FIBCD1: variants seen among roughly 807,000 people sequenced by gnomAD.
The protein encoded by FIBCD1 is fibrinogen C domain containing 1.
A neutral mutation model predicts 45.1 loss-of-function variants in FIBCD1; 47 were observed. The observed-to-expected ratio is 1.04, with a 90% confidence interval of 0.82 to 1.33. The LOEUF is 1.33. Ranked by LOEUF, FIBCD1 falls within the 40% of genes most tolerant of loss-of-function variation. The pLI is 0.00. For synonymous variants in FIBCD1, 313 were observed against 308.1 expected (o/e 1.02, Z -0.17); for missense variants, 653 against 682.2 (o/e 0.96, Z 0.48).
chr9:130,912,644 T>C (rs1259547256), intron 4 of FIBCD1, among the ~76,000 whole-genome samples: 1 of 151,254 alleles, frequency 6.6e-6, no homozygotes, highest in African/African-American at 2.4e-5. Context: ...GAGGCGCAGG[T>C]TGCAGTGAGC....
In FIBCD1 at chr9:130,923,755, C is replaced by A. The variant is rs751019454; in HGVS notation, c.838G>T (p.Gly280Cys). 3.5e-5 allele frequency: 56 copies of A among 1,612,124 alleles called. No homozygotes were observed. Among genetic ancestry groups the A allele is most frequent in the Non-Finnish European group, 4.7e-5 (55 of 1,179,874 alleles). ...QVYCDMRTDG[G>C]GWTVFQRRED... The stretch of plus-strand genomic sequence containing the variant: ...CCTGGGACACTCACCGTCCAGCCGC[C>A]GCCGTCCGTGCGCATGTCACAGTAC... The change falls in exon 4 of 7, where the codon GGC (glycine) becomes TGC (cysteine). Residue 280 changes from glycine (G) to cysteine (C), a missense_variant. Physicochemically the swap from Gly to Cys is radical, Grantham distance 159 (BLOSUM62 -3). Coordinates refer to ENST00000372338, the MANE Select transcript of FIBCD1 (RefSeq NM_032843.5).
intron 4 of FIBCD1, 62 bp downstream of exon 4, chr9:130,923,682 A>G: frequency 6.3e-7 from 1 of 1,586,432 alleles, no homozygotes; most frequent in Non-Finnish European, 8.5e-7. Context: ...GCCCGGGTTC[A>G]GGTACACAGC....
chr9:130,913,446 C>T (rs1354596370), intron 4 of FIBCD1, among the ~76,000 whole-genome samples: 1 of 152,352 alleles, frequency 6.6e-6, no homozygotes, highest in African/African-American at 2.4e-5. Context: ...AGGCGTCTGC[C>T]GCGTGAGCGT....
chr9:130,911,919 G>T, intron 4 of FIBCD1, 31 bp from the exon 5 acceptor site: 7 of 1,543,440 alleles, frequency 4.5e-6, no homozygotes, highest in Non-Finnish European at 5.3e-6. Context: ...TGGGGCGTTG[G>T]CACCGACCAT....
intron 5 of FIBCD1, among the ~76,000 whole-genome samples, chr9:130,910,053 T>C (rs1444868199): frequency 6.6e-6 from 1 of 152,214 alleles, no homozygotes; most frequent in Non-Finnish European, 1.5e-5. Context: ...ACCGCTGCGC[T>C]GTGGGAGCCC....
chr9:130,918,937 C>G (rs761378968), intron 4 of FIBCD1, among the ~76,000 whole-genome samples: 10 of 152,244 alleles, frequency 6.6e-5, no homozygotes, highest in Non-Finnish European at 1.3e-4. Context: ...GTAGGCCTAA[C>G]CAACATCACC....
intron 5 of FIBCD1, 59 bp downstream of exon 5, chr9:130,911,733 G>A: frequency 1.4e-6 from 2 of 1,481,008 alleles, no homozygotes; most frequent in Non-Finnish European, 1.8e-6. Context: ...GGACCCAACT[G>A]TGTCCGGAAG....
intron 4 of FIBCD1, among the ~76,000 whole-genome samples, chr9:130,915,499 T>TC (rs1805266828): frequency 6.6e-6 from 1 of 152,236 alleles, no homozygotes; most frequent in African/African-American, 2.4e-5. Context: ...GGTCAGGAGT[T>TC]CGAGACCAGC....
chr9:130,940,394 G>C (rs1193511195), upstream of FIBCD1, among the ~76,000 whole-genome samples: 1 of 152,270 alleles, frequency 6.6e-6, no homozygotes, highest in African/African-American at 2.4e-5. Flanking sequence ...GAGGCTGCCC[G>C]GGAGTTGGAG....
At chr9:130,938,435 G>T in intron 1 of FIBCD1, 101 bp downstream of exon 1, 1 of 1,011,040 alleles carries the variant, frequency 9.9e-7, no homozygotes, top group Non-Finnish European at 1.3e-6. Flanking sequence ...GAAGGGGTGC[G>T]CCCCAAACTC....
intron 5 of FIBCD1, among the ~76,000 whole-genome samples, chr9:130,911,456 G>A (rs1291029517): frequency 6.6e-6 from 1 of 152,170 alleles, no homozygotes; most frequent in East Asian, 1.9e-4. Context: ...CTGCTGCCTG[G>A]GATGCTGCTG....
At chr9:130,928,289 G>T (rs968370674) in intron 2 of FIBCD1, among the ~76,000 whole-genome samples, 1 of 152,200 alleles carries the variant, frequency 6.6e-6, no homozygotes, top group African/African-American at 2.4e-5. Context: ...GGACTCTGGG[G>T]TCCCTCCTTC....
chr9:130,937,639 T>C lies in FIBCD1; in HGVS notation c.72+897A>G, dbSNP rs143708686. Among the ~76,000 whole-genome samples the C allele has an allele frequency of 2.6e-4, 39 of 152,308 alleles. 1 individual carries two copies. In the East Asian group the frequency reaches 6.0e-3, roughly 23 times the overall value. On this transcript the variant is annotated intron_variant, in intron 1 of 6. Coordinates refer to ENST00000372338, the MANE Select transcript of FIBCD1 (RefSeq NM_032843.5). ...TCTGGAAGAAATTTAAAATTTAAAA[T>C]GGGCAGCCCTATTCTCTCCTCTCCT...
chr9:130,916,304 CA>C (rs1294053566), intron 4 of FIBCD1, among the ~76,000 whole-genome samples: 1 of 152,246 alleles, frequency 6.6e-6, no homozygotes, highest in Non-Finnish European at 1.5e-5. Context: ...CAAACCCATT[CA>C]GTTGATTTTG....
rs1005410391 is a variant in FIBCD1, at chr9:130,929,933, C to G, written c.186G>C (p.Thr62=). ...CAGTGCTGACGACAGGTGGGGGCGC[C>G]GTGCCCGGCGCGTGGGCGTGGTTCA... is the stretch of plus-strand genomic sequence containing the variant. ...LFLNHAHAPG[T]APPPVVSTGA... Residue 62 remains threonine (T), a synonymous_variant, in exon 2 of 7, where the codon ACG becomes ACC. Coordinates refer to ENST00000372338, the MANE Select transcript of FIBCD1 (RefSeq NM_032843.5). 6.5e-7 allele frequency: 1 copy of G among 1,548,896 alleles called. No individual in the cohort carries two copies. Among genetic ancestry groups the G allele is most frequent in the Non-Finnish European group, 8.7e-7 (1 of 1,146,264 alleles).
At chr9:130,920,091 A>G (rs1832234625) in intron 4 of FIBCD1, among the ~76,000 whole-genome samples, 1 of 151,436 alleles carries the variant, frequency 6.6e-6, no homozygotes, top group Admixed American at 6.6e-5. Flanking sequence ...GGCAGGCAAG[A>G]GGGCCGCCCC....
Position 130,918,915 on chromosome 9 carries a change from G to A in FIBCD1, c.849+4829C>T, listed in dbSNP as rs953017366. ...GAGGCAATCAAGTCAATGCGTAAAC[G>A]GACGGCGCACAGTAGGCCTAACCAA... is the stretch of plus-strand genomic sequence containing the variant. On this transcript the variant is annotated intron_variant, in intron 4 of 6. Coordinates refer to ENST00000372338, the MANE Select transcript of FIBCD1 (RefSeq NM_032843.5). 3.3e-5 allele frequency among the ~76,000 whole-genome samples: 5 copies of A among 152,204 alleles called. 1 individual carries two copies. The highest frequency in any genetic ancestry group is 4.1e-4 in the South Asian group (2 of 4,832).
At chr9:130,930,733 C>G (rs1195963940) in intron 1 of FIBCD1, 1 of 455,546 alleles carries the variant, frequency 2.2e-6, no homozygotes, top group Non-Finnish European at 4.4e-6. Context: ...GGCCTCTAAG[C>G]TGCATTTCCC....
rs974525199 is a variant in FIBCD1 at position 130,929,866 on chromosome 9, C to T, written c.253G>A (p.Ala85Thr). Residue 85 changes from alanine to threonine, a missense_variant, in exon 2 of 7, where the codon GCG (alanine) becomes ACG (threonine). Transcript: ENST00000372338. The stretch of plus-strand genomic sequence containing the variant: ...AGGATGCTGAGGTGCGAGCTGTCCG[C>T]CCTTTCCACAGTGACCAGGGCGCTG... ...ANSALVTVER[A>T]DSSHLSILID... is the part of the protein sequence containing the mutation. 1.3e-5 allele frequency: 20 copies of T among 1,549,622 alleles called. No individual in the cohort carries two copies. Among genetic ancestry groups the T allele is most frequent in the Non-Finnish European group, 1.7e-5 (19 of 1,146,670 alleles).
Sources: gnomAD v4.1 joint callset for allele counts (sites outside exome capture counted in the v4.1 genomes callset) on GRCh38, gnomAD v4.1.1 for gene constraint, MANE v1.5 for transcripts, NCBI Gene and HGNC (gene_info 2026-07-23, HGNC 2026-07-21) for gene names.